ZNF837: variants seen among roughly 807,000 people sequenced by gnomAD.
ZNF837 encodes zinc finger protein 837.
For synonymous variants in ZNF837, 475 were observed against 365.2 expected, an observed-to-expected ratio of 1.30 and a Z score of -3.43; for missense variants, 955 against 801.7, an observed-to-expected ratio of 1.19 and a Z score of -2.31.
chr19:58,374,093 G>A (rs2052222629), intron 1 of ZNF837, among the ~76,000 whole-genome samples: 1 of 152,206 alleles, frequency 6.6e-6, no homozygotes, highest in Non-Finnish European at 1.5e-5. Context: ...CACCTGGCTG[G>A]TGGGGATATA....
intron 1 of ZNF837, among the ~76,000 whole-genome samples, chr19:58,374,924 C>G (rs1269635935): frequency 2.2e-5 from 3 of 137,434 alleles, no homozygotes; most frequent in African/African-American, 8.3e-5. Flanking sequence ...CTGAGCAAGA[C>G]TCCATCTCAA....
chr19:58,375,369 G>GAT lies in ZNF837; in HGVS notation c.-139-5443_-139-5442dup, dbSNP rs1428856536. Among the ~76,000 whole-genome samples, 110 of 141,944 alleles carry GAT rather than the reference G, an allele frequency of 7.7e-4. 1 individual carries two copies. Among genetic ancestry groups the GAT allele is most frequent in the Non-Finnish European group, 1.2e-3 (82 of 65,964 alleles). The allele number at this position is 141,944 out of a possible 152,430, so 93.1% of individuals were successfully genotyped here. On this transcript the variant is annotated intron_variant, in intron 1 of 2. Transcript: ENST00000597582. ...ATATAGAATGTAAATATATATTAGA[G>GAT]ATATATATATACTAAAACCCAACCT...
chr19:58,379,372 T>A (rs760582303), intron 1 of ZNF837, among the ~76,000 whole-genome samples: 9 of 152,154 alleles, frequency 5.9e-5, no homozygotes, highest in Non-Finnish European at 1.0e-4. Flanking sequence ...ACACAGCAGG[T>A]GGGAGCTGTG....
rs145091567 is a variant in ZNF837 at position 58,369,602 on chromosome 19, C to T, written c.-30+217G>A. 1.6e-4 allele frequency: 56 copies of T among 349,320 alleles called. No individual in the cohort carries two copies. The East Asian group carries it at 2.1e-3, about 13-fold the overall frequency. 21.6% of individuals were successfully genotyped at this position (349,320 alleles called of 1,614,324 possible). On this transcript the variant is annotated intron_variant, in intron 2 of 2. Coordinates refer to ENST00000597582, the MANE Select transcript of ZNF837 (RefSeq NM_138466.2). The stretch of plus-strand genomic sequence containing the variant: ...CCTGCCCGCCATCACCGTTCCTCCC[C>T]AACACTAGCTCCTAAAACACTGTGC...
rs1313448621 is a variant in ZNF837, at chr19:58,369,004, G to A, written c.329C>T (p.Ala110Val). 6.6e-7 allele frequency: 1 copy of A among 1,517,724 alleles called. No individual in the cohort carries two copies. Among genetic ancestry groups the A allele is most frequent in the Non-Finnish European group, 8.9e-7 (1 of 1,129,842 alleles). The allele number at this position is 1,517,724 out of a possible 1,614,324, so 94.0% of individuals were successfully genotyped here. A position where few individuals can be genotyped will look rare whatever the true frequency, so the allele number is the denominator to read the frequency against. Residue 110 changes from alanine to valine, a missense_variant, in exon 3 of 3, where the codon GCC becomes GTC. Coordinates refer to ENST00000597582, the MANE Select transcript of ZNF837 (RefSeq NM_138466.2). ...PELVIPEGLQ[A>V]REGPCRSPAR... ...TGGGCTCCTACAGGGGCCCTCCCGG[G>A]CTTGCAGCCCCTCGGGGATAACCAG...
In ZNF837 at chr19:58,368,460, G is replaced by GCGCT. The variant is rs776685386; in HGVS notation, c.869_872dup (p.Ile292AlafsTer272). 6.4e-7 allele frequency: 1 copy of GCGCT among 1,570,412 alleles called. No individual in the cohort carries two copies. The highest frequency in any genetic ancestry group is 8.6e-7 in the Non-Finnish European group (1 of 1,159,928). ...CGTAGGGCCGCTCGCCCGTGTGGAT[G>GCGCT]CGCTGGTGCTGCAGCAGGCTGGAGG... On this transcript the variant is annotated frameshift_variant, in exon 3 of 3. Transcript: ENST00000597582. LOFTEE classifies it low-confidence loss of function (END_TRUNC).
Position 58,368,607 on chromosome 19 carries a change from C to T in ZNF837, c.726G>A (p.Ala242=), listed in dbSNP as rs1281798158. 14 of 1,533,902 alleles carry T rather than the reference C, an allele frequency of 9.1e-6. No homozygotes were observed. The highest frequency in any genetic ancestry group is 1.2e-5 in the Non-Finnish European group (14 of 1,144,578). ...CAGGACACACTGGGGGACTCTTGCC[C>T]GCCTGCTGCTGCTGGTTGGGGCGGA... The part of the protein sequence containing the change: ...KRFRPNQQQQ[A]GKSPPVCPEC... Residue 242 remains alanine, a synonymous_variant, in exon 3 of 3, where the codon GCG becomes GCA. Transcript: ENST00000597582.
chr19:58,371,531 G>T (rs1019197449), intron 1 of ZNF837, among the ~76,000 whole-genome samples: 2 of 152,178 alleles, frequency 1.3e-5, no homozygotes, highest in Non-Finnish European at 2.9e-5. Context: ...CCAGAACAAA[G>T]ATGGATCTGT....
At chr19:58,370,287 A>G (rs2052187919) in intron 1 of ZNF837, among the ~76,000 whole-genome samples, 1 of 152,162 alleles carries the variant, frequency 6.6e-6, no homozygotes, top group African/African-American at 2.4e-5. Context: ...CAGCAGTAAG[A>G]CATGTTCATC....
chr19:58,370,434 A>G (rs1289996899), intron 1 of ZNF837, among the ~76,000 whole-genome samples: 2 of 152,038 alleles, frequency 1.3e-5, no homozygotes, highest in African/African-American at 4.8e-5. Flanking sequence ...ACTTCATCAC[A>G]CTCAGTTCTT....
In ZNF837 at chr19:58,368,014, G is replaced by C; in HGVS notation, c.1319C>G (p.Ala440Gly). 1.3e-6 allele frequency: 2 copies of C among 1,530,364 alleles called. No homozygotes were observed. Among genetic ancestry groups the C allele is most frequent in the South Asian group, 2.4e-5 (2 of 83,682 alleles). The allele number at this position is 1,530,364 out of a possible 1,614,324, so 94.8% of individuals were successfully genotyped here. The change falls in exon 3 of 3, where the codon GCG (alanine) becomes GGG (glycine). Residue 440 changes from alanine to glycine, a missense_variant. By Grantham distance (60) the Ala-to-Gly change is moderately conservative. Transcript: ENST00000597582. ...GCCATAGGGCCGCTCGCCGGTGTGC[G>C]CGCGCTGGTGTTGCACCAGGCCCGA... Reference protein sequence around the residue: ...GRSGLVQHQRAHTGERPYGCS... With the variant: ...GRSGLVQHQRGHTGERPYGCS...
chr19:58,370,489 G>C (rs530592153), intron 1 of ZNF837, among the ~76,000 whole-genome samples: 1 of 152,282 alleles, frequency 6.6e-6, no homozygotes, highest in African/African-American at 2.4e-5. Flanking sequence ...GAAACAGGAC[G>C]TGCAGATCTT....
chr19:58,367,631 G>C lies in ZNF837; in HGVS notation c.*106C>G. On this transcript the variant is annotated 3_prime_UTR_variant, in exon 3 of 3. Coordinates refer to ENST00000597582, the MANE Select transcript of ZNF837 (RefSeq NM_138466.2). ...AGCCTGTGGACGCCATGTGTACAAA[G>C]TGAAGTTTAATCAAAGTTACAAACG... The C allele has an allele frequency of 2.9e-6, 4 of 1,380,272 alleles. No homozygotes were observed. The highest frequency in any genetic ancestry group is 3.8e-6 in the Non-Finnish European group (4 of 1,054,962). 85.5% of individuals were successfully genotyped at this position (1,380,272 alleles called of 1,614,324 possible).
rs1379934535 is a variant in ZNF837, at chr19:58,369,222, C to T, written c.111G>A (p.Glu37=). Residue 37 remains glutamate (E), a synonymous_variant, in exon 3 of 3, where the codon GAG becomes GAA. Coordinates refer to ENST00000597582, the MANE Select transcript of ZNF837 (RefSeq NM_138466.2). ...KRPEEPRPLE[E]DRAGSRPTQK... ...GAGTGGGGCGGCTCCCAGCTCGGTC[C>T]TCTTCGAGGGGCCTCGGCTCCTCGG... 2.1e-6 allele frequency: 3 copies of T among 1,438,546 alleles called. No individual in the cohort carries two copies. The highest frequency in any genetic ancestry group is 1.5e-5 in the African/African-American group (1 of 66,714). 89.1% of individuals were successfully genotyped at this position (1,438,546 alleles called of 1,614,324 possible). A position where few individuals can be genotyped will look rare whatever the true frequency, so the allele number is the denominator to read the frequency against.
intron 1 of ZNF837, among the ~76,000 whole-genome samples, chr19:58,375,777 G>A (rs10405884): frequency 1.6e-4 from 23 of 145,278 alleles, no homozygotes; most frequent in African/African-American, 5.4e-4. Flanking sequence ...TTTTAAAGCA[G>A]AATGCACCCA....
chr19:58,375,773 A>G (rs2052240262), intron 1 of ZNF837, among the ~76,000 whole-genome samples: 2 of 149,678 alleles, frequency 1.3e-5, no homozygotes, highest in Non-Finnish European at 3.0e-5. Context: ...TTTTTTTTAA[A>G]GCAGAATGCA....
In ZNF837 at chr19:58,367,681, C is replaced by T; in HGVS notation, c.*56G>A. 4 of 1,441,002 alleles carry T rather than the reference C, an allele frequency of 2.8e-6. No individual in the cohort carries two copies. In the South Asian group the frequency reaches 4.3e-5, roughly 15 times the overall value. 89.3% of individuals were successfully genotyped at this position (1,441,002 alleles called of 1,614,324 possible). On this transcript the variant is annotated 3_prime_UTR_variant, in exon 3 of 3. Coordinates refer to ENST00000597582, the MANE Select transcript of ZNF837 (RefSeq NM_138466.2). ...GTTGGTGGGTTTTCCGGGACAAAGGCCCCTCCTCGACGCAGGGTTCGCTTG... is the reference window on the plus strand; with the variant it reads ...GTTGGTGGGTTTTCCGGGACAAAGGTCCCTCCTCGACGCAGGGTTCGCTTG...
Position 58,368,521 on chromosome 19 carries a change from T to A in ZNF837, c.812A>T (p.Tyr271Phe). ...GGCCTTGCCGCACTCGTCGCAAGCG[T>A]ACAGTCGCTGGGCCGGGGGGTCGGG... ...IVPDPPAQRL[Y>F]ACDECGKAFT... Residue 271 changes from tyrosine (Y) to phenylalanine (F), a missense_variant, in exon 3 of 3, where the codon TAC (tyrosine) becomes TTC (phenylalanine). Tyr to Phe is a conservative substitution (Grantham distance 22). Coordinates refer to ENST00000597582, the MANE Select transcript of ZNF837 (RefSeq NM_138466.2). The A allele has an allele frequency of 6.5e-7, 1 of 1,543,388 alleles. No individual in the cohort carries two copies. The highest frequency in any genetic ancestry group is 8.7e-7 in the Non-Finnish European group (1 of 1,145,080).
chr19:58,377,764 GT>G (rs1265909466), intron 1 of ZNF837, among the ~76,000 whole-genome samples: 3 of 152,222 alleles, frequency 2.0e-5, no homozygotes, highest in Non-Finnish European at 4.4e-5. Flanking sequence ...CACATGGGAA[GT>G]TGTGACGGGA....
Sources: allele counts gnomAD v4.1 joint callset (sites outside exome capture counted in the v4.1 genomes callset), GRCh38; gene constraint gnomAD v4.1.1; transcripts MANE v1.5; gene names NCBI Gene and HGNC (gene_info 2026-07-23, HGNC 2026-07-21).